Variants in C4orf51 observed in about 807,000 individuals in gnomAD.
C4orf51 encodes the protein uncharacterized protein C4orf51.
A neutral mutation model predicts 25.2 loss-of-function variants in C4orf51; 25 were observed. The ratio of observed to expected loss-of-function variants is 0.99; its 90% CI spans 0.72 to 1.39. The LOEUF (loss-of-function observed/expected upper bound fraction) is 1.39, where lower values mean the gene tolerates loss of function less well. Ranked by LOEUF, C4orf51 falls within the 40% of genes most tolerant of loss-of-function variation. The probability of loss-of-function intolerance (pLI) is 0.00; values close to 1 mark genes in which losing one functional copy is unlikely to be tolerated. For synonymous variants in C4orf51, 100 were observed against 84.5 expected, an observed-to-expected ratio of 1.18 and a Z score of -1.01; for missense variants, 252 against 239.6, an observed-to-expected ratio of 1.05 and a Z score of -0.34.
downstream of C4orf51, among the ~76,000 whole-genome samples, chr4:145,733,330 A>G (rs1323724625): frequency 6.7e-6 from 1 of 149,784 alleles, no homozygotes; most frequent in African/African-American, 2.5e-5. Context: ...ATTCCCCCCC[A>G]CCACCGCCCG....
At position 145,726,973 on chromosome 4, in the gene C4orf51, A is replaced by C. The variant is rs1449382972; in HGVS notation, c.366+4A>C. 1 of 1,610,854 alleles carries C rather than the reference A, an allele frequency of 6.2e-7. No homozygotes were observed. Among genetic ancestry groups the C allele is most frequent in the South Asian group, 1.1e-5 (1 of 90,994 alleles). Reference sequence around the variant, plus strand: ...ATTTGATGTCAAGCATGGAGTGGTAAGCCCAACATTTCTCAGCAATCTCTT... The same window carrying C: ...ATTTGATGTCAAGCATGGAGTGGTACGCCCAACATTTCTCAGCAATCTCTT... On this transcript the variant is annotated splice_donor_region_variant and intron_variant, in intron 3 of 5. Transcript: ENST00000438731.
chr4:145,760,932 G>C (rs1469305682), intron 1 of C4orf51: 1 of 1,232,144 alleles, frequency 8.1e-7, no homozygotes, highest in African/African-American at 1.6e-5. Flanking sequence ...GAATGAGATG[G>C]GCAAAATCTG....
intron 1 of C4orf51, among the ~76,000 whole-genome samples, chr4:145,766,849 C>T (rs1735381471): frequency 6.6e-6 from 1 of 152,138 alleles, no homozygotes; most frequent in Admixed American, 6.5e-5. Flanking sequence ...AGAAAGGTCT[C>T]TTAGTAGTGG....
chr4:145,693,564 G>A (rs1273846076), intron 1 of C4orf51, among the ~76,000 whole-genome samples: 1 of 151,328 alleles, frequency 6.6e-6, no homozygotes, highest in African/African-American at 2.4e-5. Flanking sequence ...TCCCAGATGG[G>A]GTGGTGGCCG....
Position 145,701,843 on chromosome 4 carries a change from A to C in C4orf51, c.307+5211A>C, listed in dbSNP as rs192985752. Among the ~76,000 whole-genome samples the C allele has an allele frequency of 3.2e-3, 493 of 152,020 alleles. 2 individuals are homozygous for C. Among genetic ancestry groups the C allele is most frequent in the African/African-American group, 0.01 (424 of 41,440 alleles). ...TAGTTATCCCCACCTGCCCAGTTCCATTATTAGGCCGAGATATTTTAACCA... is the reference window on the plus strand; with the variant it reads ...TAGTTATCCCCACCTGCCCAGTTCCCTTATTAGGCCGAGATATTTTAACCA... On this transcript the variant is annotated intron_variant, in intron 2 of 5. Coordinates refer to ENST00000438731, the MANE Select transcript of C4orf51 (RefSeq NM_001080531.3).
chr4:145,768,231 C>A (rs1437629586), intron 1 of C4orf51, among the ~76,000 whole-genome samples: 1 of 152,148 alleles, frequency 6.6e-6, no homozygotes, highest in Non-Finnish European at 1.5e-5. Context: ...GTAACGTGAT[C>A]CCAGCTCACT....
intron 2 of C4orf51, among the ~76,000 whole-genome samples, chr4:145,712,651 G>A (rs1731194907): frequency 6.6e-6 from 1 of 152,212 alleles, no homozygotes; most frequent in South Asian, 2.1e-4. Flanking sequence ...ACATAAAAGT[G>A]CAAGGTGAAG....
At chr4:145,751,518 G>C (rs1733673998) in intron 1 of C4orf51, among the ~76,000 whole-genome samples, 1 of 152,170 alleles carries the variant, frequency 6.6e-6, no homozygotes, top group African/African-American at 2.4e-5. Context: ...GAGCTGCCTG[G>C]AACTGGGGAT....
At chr4:145,719,420 A>G (rs1731598436) in intron 2 of C4orf51, among the ~76,000 whole-genome samples, 1 of 152,078 alleles carries the variant, frequency 6.6e-6, no homozygotes, top group African/African-American at 2.4e-5. Flanking sequence ...CCTGGCTAAC[A>G]CTGTGAAACC....
At chr4:145,726,202 C>A (rs1399752348) in intron 2 of C4orf51, among the ~76,000 whole-genome samples, 1 of 152,150 alleles carries the variant, frequency 6.6e-6, no homozygotes, top group African/African-American at 2.4e-5. Context: ...ATAATAATTG[C>A]ATCTATTTCT....
chr4:145,754,321 A>T (rs1372112078), exon 2 of C4orf51: 1 of 152,222 alleles, frequency 6.6e-6, no homozygotes, highest in Non-Finnish European at 1.5e-5. Context: ...TTCTTTCATT[A>T]TGTTAAAACT....
At chr4:145,727,713 T>TA (rs112366551) in intron 3 of C4orf51, among the ~76,000 whole-genome samples, 6,458 of 138,260 alleles carry the variant, frequency 0.047, 188 homozygotes, top group Non-Finnish European at 0.069. Context: ...CCATCTCTAC[T>TA]AAAAAAAAAA....
intron 2 of C4orf51, among the ~76,000 whole-genome samples, chr4:145,720,968 C>T (rs1178898831): frequency 2.0e-5 from 3 of 152,196 alleles, no homozygotes; most frequent in Admixed American, 6.5e-5. Context: ...GCAGAGGGAC[C>T]TTTTAACTTC....
At chr4:145,753,881 A>G (rs1395832372) in intron 1 of C4orf51, among the ~76,000 whole-genome samples, 2 of 152,164 alleles carry the variant, frequency 1.3e-5, no homozygotes, top group Non-Finnish European at 2.9e-5. Context: ...GAGAAATAAC[A>G]CACCCCCAAT....
At chr4:145,775,278 G>A (rs1252513639), downstream of C4orf51, among the ~76,000 whole-genome samples, 2 of 152,128 alleles carry the variant, frequency 1.3e-5, no homozygotes, top group Non-Finnish European at 1.5e-5. Context: ...AAACTTGGGG[G>A]TTTTATGGCA....
At chr4:145,688,587 C>T (rs1729326740) in intron 1 of C4orf51, among the ~76,000 whole-genome samples, 2 of 152,162 alleles carry the variant, frequency 1.3e-5, no homozygotes, top group South Asian at 4.1e-4. Context: ...TAAGATGTGC[C>T]TTGCTTCCCC....
chr4:145,774,373 G>T, downstream of C4orf51: 1 of 995,320 alleles, frequency 1.0e-6, no homozygotes, highest in Non-Finnish European at 1.5e-6. Context: ...TTCATGCCTT[G>T]GGAAAGTCCT....
At chr4:145,784,887 CTT>C in the C4orf51 span, among the ~76,000 whole-genome samples, 1 of 152,132 alleles carries the variant, frequency 6.6e-6, no homozygotes, top group South Asian at 2.1e-4. Flanking sequence ...GATTTTGTCT[CTT>C]ATAAAGCATT....
chr4:145,779,385 G>A, the C4orf51 span: 299 of 1,613,966 alleles, frequency 1.9e-4, 1 homozygote, highest in South Asian at 5.6e-4. Context: ...TGTGTGCAGC[G>A]AGAGGTGTCG....
Sources: gnomAD v4.1 joint callset for allele counts (sites outside exome capture counted in the v4.1 genomes callset) on GRCh38, gnomAD v4.1.1 for gene constraint, MANE v1.5 for transcripts, NCBI Gene and HGNC (gene_info 2026-07-23, HGNC 2026-07-21) for gene names.